The following ANXA1 variants were observed in gnomAD, a reference collection of about 807,000 sequenced individuals.
ANXA1 encodes the protein annexin I (lipocortin I).
A neutral mutation model predicts 47.9 loss-of-function variants in ANXA1; 39 were observed. The ratio of observed to expected loss-of-function variants is 0.81; its 90% CI spans 0.63 to 1.06. The LOEUF (loss-of-function observed/expected upper bound fraction) is 1.06, where lower values mean the gene tolerates loss of function less well. ANXA1 is among the 50% of genes least tolerant of loss of function. The pLI is 0.00. For synonymous variants in ANXA1, 146 were observed against 142.5 expected, an observed-to-expected ratio of 1.02 and a Z score of -0.17; for missense variants, 446 against 422.7, an observed-to-expected ratio of 1.06 and a Z score of -0.48.
intron 11 of ANXA1, 110 bp from the exon 12 acceptor site, chr9:73,168,922 T>TGTGTGTG: frequency 7.5e-6 from 7 of 935,608 alleles, no homozygotes; most frequent in Admixed American, 2.5e-5. Flanking sequence ...TATAGCTAGT[T>TGTGTGTG]TCTCTATAGA....
At chr9:73,155,996 C>G (rs12344670) in intron 1 of ANXA1, among the ~76,000 whole-genome samples, 1 of 148,458 alleles carries the variant, frequency 6.7e-6, no homozygotes, top group Non-Finnish European at 1.5e-5. Context: ...GTTTTTATAA[C>G]GTTTATTTTG....
intron 11 of ANXA1, 56 bp from the exon 12 acceptor site, chr9:73,168,976 T>C: frequency 6.5e-7 from 1 of 1,544,326 alleles, no homozygotes; most frequent in Admixed American, 2.1e-5. Context: ...AAATTCATGT[T>C]TTTAATGAGA....
intron 1 of ANXA1, among the ~76,000 whole-genome samples, 182 bp downstream of exon 1, chr9:73,152,106 AT>A (rs1054948062): frequency 6.6e-6 from 1 of 152,220 alleles, no homozygotes; most frequent in African/African-American, 2.4e-5. Flanking sequence ...AAATTACAAT[AT>A]TTTTGTTCTA....
At chr9:73,157,382 G>A (rs149798414) in intron 1 of ANXA1, among the ~76,000 whole-genome samples, 58 of 152,162 alleles carry the variant, frequency 3.8e-4, no homozygotes, top group African/African-American at 1.3e-3. Flanking sequence ...GGCTGGGAGT[G>A]GTAGCTCACA....
At chr9:73,168,113 A>T (rs1174179757) in intron 11 of ANXA1, 2 of 152,250 alleles carry the variant, frequency 1.3e-5, no homozygotes, top group Non-Finnish European at 2.9e-5. Flanking sequence ...ATGAATAGTT[A>T]TGAAGTTATC....
At position 73,170,065 on chromosome 9, in the gene ANXA1, A is replaced by C. The variant is rs987933294; in HGVS notation, c.999A>C (p.Gly333=). ...TGAATCAACAGGATGAAACCAAAGG[A>C]GATTATGAGAAAATCCTGGTGGCTC... ...LCQAILDETK[G]DYEKILVALC... Residue 333 remains glycine, a synonymous_variant, in exon 13 of 13, where the codon GGA becomes GGC. Transcript: ENST00000257497. The C allele has an allele frequency of 1.9e-6, 3 of 1,608,344 alleles. No homozygotes were observed. The highest frequency in any genetic ancestry group is 2.7e-5 in the African/African-American group (2 of 74,786).
rs1344853455 is a variant in ANXA1, at chr9:73,163,538, G to A, written c.612+6G>A. 1 of 1,612,508 alleles carries A rather than the reference G, an allele frequency of 6.2e-7. No individual in the cohort carries two copies. Among genetic ancestry groups the A allele is most frequent in the Admixed American group, 1.7e-5 (1 of 59,920 alleles). Reference sequence around the variant, plus strand: ...TGGCTGATTCAGATGCCAGGGTAAGGAAGTGCTTACAAAATACTGCTGCAG... The same window carrying A: ...TGGCTGATTCAGATGCCAGGGTAAGAAAGTGCTTACAAAATACTGCTGCAG... On this transcript the variant is annotated splice_donor_region_variant and intron_variant, in intron 8 of 12. Coordinates refer to ENST00000257497, the MANE Select transcript of ANXA1 (RefSeq NM_000700.3).
intron 1 of ANXA1, chr9:73,157,854 TA>T (rs1169121188): frequency 2.0e-5 from 3 of 152,190 alleles, no homozygotes; most frequent in South Asian, 2.1e-4. Context: ...CATGCTGCTT[TA>T]AAAAAACAAA....
chr9:73,157,855 A>G (rs1824073742), intron 1 of ANXA1: 1 of 152,140 alleles, frequency 6.6e-6, no homozygotes, highest in Non-Finnish European at 1.5e-5. Flanking sequence ...ATGCTGCTTT[A>G]AAAAAACAAA....
At chr9:73,165,326 C>G in intron 9 of ANXA1, 117 bp downstream of exon 9, 1 of 716,074 alleles carries the variant, frequency 1.4e-6, no homozygotes, top group Non-Finnish European at 2.3e-6. Flanking sequence ...CTGTATCAAA[C>G]AGATACAGTG....
intron 1 of ANXA1, among the ~76,000 whole-genome samples, chr9:73,156,846 C>T (rs1256180376): frequency 2.0e-5 from 3 of 151,992 alleles, no homozygotes; most frequent in African/African-American, 7.3e-5. Flanking sequence ...TGTAGATAGA[C>T]AGATCAGTGT....
At chr9:73,163,218 A>G (rs1429408052) in intron 7 of ANXA1, among the ~76,000 whole-genome samples, 4 of 152,100 alleles carry the variant, frequency 2.6e-5, no homozygotes, top group Non-Finnish European at 4.4e-5. Flanking sequence ...TCTCTTCATG[A>G]GAGATCAGCC....
chr9:73,160,672 A>G, intron 5 of ANXA1, 131 bp from the exon 6 acceptor site: 1 of 681,948 alleles, frequency 1.5e-6, no homozygotes, highest in Non-Finnish European at 2.6e-6. Flanking sequence ...AGCTTATTGT[A>G]ATTATTAAAT....
intron 4 of ANXA1, 24 bp from the exon 5 acceptor site, chr9:73,160,238 CT>C: frequency 6.7e-7 from 1 of 1,494,982 alleles, no homozygotes; most frequent in Non-Finnish European, 9.0e-7. Context: ...ATTGGAAGTC[CT>C]GATTCTAATC....
chr9:73,170,045 C>G lies in ANXA1; in HGVS notation c.985-6C>G, dbSNP rs777628007. The G allele has an allele frequency of 6.3e-7, 1 of 1,593,716 alleles. No homozygotes were observed. Among genetic ancestry groups the G allele is most frequent in the Admixed American group, 1.8e-5 (1 of 56,612 alleles). ...ACATTAAGTATACCTTTTTTTGAATCAACAGGATGAAACCAAAGGAGATTA... is the reference window on the plus strand; with the variant it reads ...ACATTAAGTATACCTTTTTTTGAATGAACAGGATGAAACCAAAGGAGATTA... On this transcript the variant is annotated splice_polypyrimidine_tract_variant and splice_region_variant and intron_variant, in intron 12 of 12. Coordinates refer to ENST00000257497, the MANE Select transcript of ANXA1 (RefSeq NM_000700.3).
intron 1 of ANXA1, among the ~76,000 whole-genome samples, chr9:73,156,979 A>G (rs1216666849): frequency 6.6e-6 from 1 of 152,226 alleles, no homozygotes; most frequent in Non-Finnish European, 1.5e-5. Context: ...TCTTAAAAAT[A>G]TATGTCTCAT....
At chr9:73,167,442 G>T in intron 10 of ANXA1, 55 bp from the exon 11 acceptor site, 1 of 1,505,948 alleles carries the variant, frequency 6.6e-7, no homozygotes, top group Non-Finnish European at 9.2e-7. Context: ...CTTTCATATG[G>T]ATATTTCATT....
chr9:73,165,339 C>T, intron 9 of ANXA1, 130 bp downstream of exon 9: 1 of 619,326 alleles, frequency 1.6e-6, no homozygotes. Context: ...ATACAGTGTT[C>T]CTGACCCATT....
At chr9:73,169,178 C>T in intron 12 of ANXA1, 24 bp downstream of exon 12, 1 of 1,571,248 alleles carries the variant, frequency 6.4e-7, no homozygotes, top group Non-Finnish European at 8.6e-7. Context: ...CCTCTAATGC[C>T]ATCCCAACAA....
Sources: gnomAD v4.1 joint callset for allele counts (sites outside exome capture counted in the v4.1 genomes callset) on GRCh38, gnomAD v4.1.1 for gene constraint, MANE v1.5 for transcripts, NCBI Gene and HGNC (gene_info 2026-07-23, HGNC 2026-07-21) for gene names.